Variants in EFNA5 observed in about 807,000 individuals in gnomAD.
EFNA5 encodes ephrin-A5.
Under a neutral mutation model 22.9 loss-of-function variants are expected in EFNA5, and 5 were observed. The observed-to-expected ratio is 0.22, with a 90% confidence interval of 0.11 to 0.46. The LOEUF is 0.46. Ranked by LOEUF, EFNA5 falls within the 20% of genes least tolerant of loss-of-function variation. The pLI, the probability that EFNA5 is intolerant of heterozygous loss-of-function variation, is 0.99. For missense variants in EFNA5, 237 were observed against 293.3 expected (o/e 0.81, Z 1.40); for synonymous variants, 113 against 112.2 (o/e 1.01, Z -0.04).
At chr5:107,387,817 C>A (rs1164778887) in intron 2 of EFNA5, 46 bp from the exon 3 acceptor site, 2 of 1,270,538 alleles carry the variant, frequency 1.6e-6, no homozygotes, top group African/African-American at 3.0e-5. Flanking sequence ...AAGAGAACAA[C>A]AACATATTAC....
chr5:107,618,741 T>G (rs1365887612), intron 1 of EFNA5, among the ~76,000 whole-genome samples: 1 of 152,216 alleles, frequency 6.6e-6, no homozygotes. Flanking sequence ...TAACATGTTA[T>G]AAAATGCCTG....
At chr5:107,512,983 C>T (rs1747403756) in intron 1 of EFNA5, among the ~76,000 whole-genome samples, 1 of 152,174 alleles carries the variant, frequency 6.6e-6, no homozygotes, top group South Asian at 2.1e-4. Flanking sequence ...CTGTACTACT[C>T]TTAGTAGAAA....
At chr5:107,651,757 C>T (rs534940603) in intron 1 of EFNA5, among the ~76,000 whole-genome samples, 1 of 151,836 alleles carries the variant, frequency 6.6e-6, no homozygotes, top group Non-Finnish European at 1.5e-5. Context: ...TAAGTTTCAT[C>T]TGGAAATATT....
At position 107,628,750 on chromosome 5, in the gene EFNA5, C is replaced by T. The variant is rs188029356; in HGVS notation, c.125+41739G>A. Among the ~76,000 whole-genome samples the T allele has an allele frequency of 2.6e-5, 4 of 152,156 alleles. No homozygotes were observed. The East Asian group carries it at 7.7e-4, about 29-fold the overall frequency. On this transcript the variant is annotated intron_variant, in intron 1 of 4. Transcript: ENST00000333274. ...GGATGTGAATCCCATGCAAGCTGTC[C>T]CTTAGTCTTCTGAAGGCTGTGAAAA...
chr5:107,435,315 CTTTTTTTT>C (rs3999107), intron 1 of EFNA5, among the ~76,000 whole-genome samples: 3 of 104,666 alleles, frequency 2.9e-5, no homozygotes, highest in African/African-American at 8.0e-5. Flanking sequence ...TGAAGATGCT[CTTTTTTTT>C]TTTTTTTTTT....
At chr5:107,615,682 T>C (rs1749898887) in intron 1 of EFNA5, among the ~76,000 whole-genome samples, 1 of 152,150 alleles carries the variant, frequency 6.6e-6, no homozygotes, top group Non-Finnish European at 1.5e-5. Context: ...AACAAAAAAA[T>C]TCTCTTGCAC....
At chr5:107,640,823 A>G (rs1408356524) in intron 1 of EFNA5, among the ~76,000 whole-genome samples, 1 of 152,200 alleles carries the variant, frequency 6.6e-6, no homozygotes, top group Non-Finnish European at 1.5e-5. Flanking sequence ...TGCCACATGC[A>G]AGGTCAATCA....
intron 1 of EFNA5, among the ~76,000 whole-genome samples, chr5:107,634,958 G>A (rs894179784): frequency 2.0e-5 from 3 of 152,172 alleles, no homozygotes; most frequent in Admixed American, 6.5e-5. Flanking sequence ...TTTAACTTAC[G>A]TCAAATGATA....
chr5:107,568,559 G>A (rs943561492), intron 1 of EFNA5, among the ~76,000 whole-genome samples: 1 of 152,168 alleles, frequency 6.6e-6, no homozygotes, highest in African/African-American at 2.4e-5. Context: ...GTCCTTAAAT[G>A]CCCCAATTTA....
chr5:107,440,235 T>C (rs1041056124), intron 1 of EFNA5, among the ~76,000 whole-genome samples: 5 of 152,186 alleles, frequency 3.3e-5, no homozygotes, highest in South Asian at 4.1e-4. Flanking sequence ...CAATTCACCA[T>C]TTATTTCTCA....
chr5:107,611,269 G>C (rs759625803), intron 1 of EFNA5, among the ~76,000 whole-genome samples: 8 of 152,084 alleles, frequency 5.3e-5, no homozygotes, highest in Non-Finnish European at 1.0e-4. Context: ...TCACAGAAGA[G>C]ACTGTTTAAA....
intron 1 of EFNA5, among the ~76,000 whole-genome samples, chr5:107,557,996 G>C (rs1249119109): frequency 1.3e-5 from 2 of 152,114 alleles, no homozygotes; most frequent in Non-Finnish European, 2.9e-5. Context: ...GTATAGGTGG[G>C]AGGATTAAGT....
intron 1 of EFNA5, among the ~76,000 whole-genome samples, chr5:107,628,860 T>TACTA (rs1750189633): frequency 6.6e-6 from 1 of 152,162 alleles, no homozygotes; most frequent in Admixed American, 6.5e-5. Context: ...ATTATTACAA[T>TACTA]ACTAAAAACA....
chr5:107,456,712 T>C (rs1326513167), intron 1 of EFNA5, among the ~76,000 whole-genome samples: 1 of 152,162 alleles, frequency 6.6e-6, no homozygotes, highest in African/African-American at 2.4e-5. Flanking sequence ...GGGGCTGATC[T>C]ATACCCTTTT....
intron 1 of EFNA5, among the ~76,000 whole-genome samples, chr5:107,552,981 T>C (rs1383167486): frequency 6.6e-6 from 1 of 152,166 alleles, no homozygotes; most frequent in African/African-American, 2.4e-5. Context: ...CTTTGTAAAC[T>C]GCAAAAGGAT....
At chr5:107,552,554 A>C (rs748388323) in intron 1 of EFNA5, among the ~76,000 whole-genome samples, 14 of 152,236 alleles carry the variant, frequency 9.2e-5, no homozygotes, top group Non-Finnish European at 1.3e-4. Flanking sequence ...CCATTCCATT[A>C]GTGAACAACA....
chr5:107,533,529 A>C (rs1236956761), intron 1 of EFNA5, among the ~76,000 whole-genome samples: 1 of 152,178 alleles, frequency 6.6e-6, no homozygotes, highest in Non-Finnish European at 1.5e-5. Flanking sequence ...TCATTTTAAA[A>C]GATAAAAAAG....
At chr5:107,636,456 G>A (rs1274889985) in intron 1 of EFNA5, among the ~76,000 whole-genome samples, 2 of 152,074 alleles carry the variant, frequency 1.3e-5, no homozygotes, top group Admixed American at 6.5e-5. Context: ...AATCCAAAAC[G>A]GTGAGAAACT....
At chr5:107,408,570 C>T (rs941079493) in intron 2 of EFNA5, among the ~76,000 whole-genome samples, 4 of 152,010 alleles carry the variant, frequency 2.6e-5, no homozygotes, top group African/African-American at 9.7e-5. Context: ...GGGATAAAAC[C>T]AACATTAATT....
Sources: allele counts gnomAD v4.1 joint callset (sites outside exome capture counted in the v4.1 genomes callset), GRCh38; gene constraint gnomAD v4.1.1; transcripts MANE v1.5; gene names NCBI Gene and HGNC (gene_info 2026-07-23, HGNC 2026-07-21).